Variants in PPP1R21 observed in about 807,000 individuals in gnomAD.
PPP1R21 encodes the protein protein phosphatase 1 regulatory subunit 21.
PPP1R21 carries 85 observed loss-of-function variants against 112.8 expected under a neutral mutation model. That is an observed-to-expected ratio of 0.75 (90% CI 0.63 to 0.90). PPP1R21 has a LOEUF of 0.90. Among genes scored for constraint, PPP1R21 ranks in the 40% least tolerant of loss-of-function variants. PPP1R21 has a pLI of 0.00. For missense variants in PPP1R21, 1,199 were observed against 901.5 expected, an observed-to-expected ratio of 1.33 and a Z score of -4.23; for synonymous variants, 381 against 322.3, an observed-to-expected ratio of 1.18 and a Z score of -1.95.
intron 12 of PPP1R21, among the ~76,000 whole-genome samples, chr2:48,477,195 C>T (rs1668797729): frequency 6.8e-6 from 1 of 148,078 alleles, no homozygotes; most frequent in South Asian, 2.1e-4. Context: ...ACTCTCAGCT[C>T]GCTGCAAACT....
chr2:48,464,994 A>G lies in PPP1R21; in HGVS notation c.747+5A>G. 6.4e-7 allele frequency: 1 copy of G among 1,555,968 alleles called. No individual in the cohort carries two copies. Among genetic ancestry groups the G allele is most frequent in the Non-Finnish European group, 8.6e-7 (1 of 1,160,936 alleles). ...CTCCACAATAGGAGACACCAGGTAA[A>G]GGATGAAGTACATGTTTTTATTTTC... On this transcript the variant is annotated splice_donor_5th_base_variant and intron_variant, in intron 8 of 21. Coordinates refer to ENST00000294952, the MANE Select transcript of PPP1R21 (RefSeq NM_001135629.3).
chr2:48,495,716 C>T lies in PPP1R21; in HGVS notation c.1637C>T (p.Ala546Val). 6.2e-7 allele frequency: 1 copy of T among 1,612,364 alleles called. No homozygotes were observed. Among genetic ancestry groups the T allele is most frequent in the East Asian group, 2.2e-5 (1 of 44,866 alleles). The change falls in exon 16 of 22, where the codon GCA (alanine) becomes GTA (valine). Residue 546 changes from alanine to valine, a missense_variant. Coordinates refer to ENST00000294952, the MANE Select transcript of PPP1R21 (RefSeq NM_001135629.3). ...LESVPYEEAL[A>V]NRRILLSSTE... Reference sequence around the variant, plus strand: ...TCTGTGCCTTATGAAGAAGCACTGGCAAACCGCCGCATCCTTCTCAGCTCT... The same window carrying T: ...TCTGTGCCTTATGAAGAAGCACTGGTAAACCGCCGCATCCTTCTCAGCTCT...
intron 12 of PPP1R21, among the ~76,000 whole-genome samples, chr2:48,478,699 G>C (rs1052884982): frequency 6.6e-5 from 10 of 152,184 alleles, no homozygotes; most frequent in Non-Finnish European, 1.5e-4. Flanking sequence ...CCCCAGGAGG[G>C]CTCTTCTTAG....
chr2:48,452,392 A>G (rs1409397336), intron 2 of PPP1R21, among the ~76,000 whole-genome samples: 1 of 152,214 alleles, frequency 6.6e-6, no homozygotes, highest in Non-Finnish European at 1.5e-5. Flanking sequence ...GTCAGATAAC[A>G]TTATCATCCC....
rs369292857 is a variant in PPP1R21 at position 48,463,704 on chromosome 2, TGAG to T, written c.695-1229_695-1227del. On this transcript the variant is annotated intron_variant, in intron 7 of 21. Coordinates refer to ENST00000294952, the MANE Select transcript of PPP1R21 (RefSeq NM_001135629.3). ...GCTGCAGCAAATGCTTTATTTGTAA[TGAG>T]GAGATACTGAAGATAGAAGCAGGGA... 5.8e-4 allele frequency among the ~76,000 whole-genome samples: 88 copies of T among 152,088 alleles called. No homozygotes were observed. The East Asian group carries it at 0.014, about 24-fold the overall frequency.
intron 16 of PPP1R21, among the ~76,000 whole-genome samples, chr2:48,496,287 G>C (rs1446593238): frequency 1.3e-5 from 2 of 152,080 alleles, no homozygotes; most frequent in Non-Finnish European, 2.9e-5. Context: ...TACAGTAAAT[G>C]GAATCTCTCT....
intron 1 of PPP1R21, among the ~76,000 whole-genome samples, chr2:48,445,487 G>A (rs1558410653): frequency 6.6e-6 from 1 of 152,202 alleles, no homozygotes; most frequent in African/African-American, 2.4e-5. Context: ...TGAAGACCTT[G>A]TTAAACTGCT....
intron 1 of PPP1R21, among the ~76,000 whole-genome samples, chr2:48,444,734 C>G (rs1572821867): frequency 6.6e-6 from 1 of 152,290 alleles, no homozygotes; most frequent in East Asian, 1.9e-4. Flanking sequence ...AGCAGTGAGA[C>G]CCAGCAATCT....
At chr2:48,455,109 A>AT (rs1350234272) in intron 3 of PPP1R21, among the ~76,000 whole-genome samples, 1 of 147,308 alleles carries the variant, frequency 6.8e-6, no homozygotes. Flanking sequence ...AAGTGCTATG[A>AT]TTACAGGCAT....
chr2:48,496,598 G>T (rs550037639), intron 16 of PPP1R21, among the ~76,000 whole-genome samples: 6 of 151,996 alleles, frequency 3.9e-5, no homozygotes, highest in African/African-American at 1.4e-4. Context: ...CTCCAGAGTC[G>T]CTGGGATTAC....
intron 1 of PPP1R21, among the ~76,000 whole-genome samples, chr2:48,442,042 C>G (rs1223263866): frequency 1.3e-5 from 2 of 152,208 alleles, no homozygotes; most frequent in Admixed American, 6.5e-5. Flanking sequence ...TTTTGAGACA[C>G]TACACTTATT....
intron 1 of PPP1R21, among the ~76,000 whole-genome samples, chr2:48,448,092 G>A (rs183550312): frequency 6.6e-6 from 1 of 152,290 alleles, no homozygotes; most frequent in East Asian, 1.9e-4. Context: ...ATCAAATGTT[G>A]CAAAGAGTAG....
chr2:48,481,533 G>A (rs1434758414), intron 13 of PPP1R21, among the ~76,000 whole-genome samples: 8 of 152,178 alleles, frequency 5.3e-5, no homozygotes, highest in Non-Finnish European at 2.9e-5. Context: ...GAACCAGTTT[G>A]AAACCACAAG....
At chr2:48,512,434 T>A (rs1670686628) in intron 21 of PPP1R21, among the ~76,000 whole-genome samples, 2 of 147,642 alleles carry the variant, frequency 1.4e-5, no homozygotes, top group South Asian at 4.3e-4. Flanking sequence ...ATTTACCATC[T>A]CCAGCCTGCA....
At chr2:48,458,806 T>C (rs1572839639) in intron 4 of PPP1R21, among the ~76,000 whole-genome samples, 2 of 152,234 alleles carry the variant, frequency 1.3e-5, no homozygotes, top group Middle Eastern at 6.8e-3. Context: ...CTAAGATTCA[T>C]AGTGGGCTGG....
chr2:48,499,131 G>T (rs573000793), intron 17 of PPP1R21, among the ~76,000 whole-genome samples: 3 of 143,880 alleles, frequency 2.1e-5, no homozygotes, highest in South Asian at 2.3e-4. Flanking sequence ...GATATTGGGG[G>T]TGGGGGGGGA....
At chr2:48,502,715 C>T (rs753773048) in intron 17 of PPP1R21, among the ~76,000 whole-genome samples, 1 of 132,652 alleles carries the variant, frequency 7.5e-6, no homozygotes, top group African/African-American at 2.8e-5. Context: ...GAGTCTCGCT[C>T]TGTGGCCCAG....
rs567807021 is a variant in PPP1R21, at chr2:48,454,622, T to C, written c.154T>C (p.Leu52=). The part of the protein sequence containing the change: ...KEQLKMKDQS[L]RKLQQEMDSL... ...GCAACTGAAAATGAAGGATCAGTCA[T>C]TGAGAAAACTACAACAGGAAATGGA... The change falls in exon 3 of 22, where the codon TTG becomes CTG. Residue 52 remains leucine, a synonymous_variant. Transcript: ENST00000294952. 6.7e-5 allele frequency: 108 copies of C among 1,614,120 alleles called. No individual in the cohort carries two copies. Among genetic ancestry groups the C allele is most frequent in the South Asian group, 1.5e-4 (14 of 91,084 alleles).
chr2:48,495,493 C>T lies in PPP1R21; in HGVS notation c.1600-186C>T, dbSNP rs138360241. On this transcript the variant is annotated intron_variant, in intron 15 of 21. Coordinates refer to ENST00000294952, the MANE Select transcript of PPP1R21 (RefSeq NM_001135629.3). ...CTGGGATTATAGGTGTGAGCCACCGCGCCCAGGCTATTATTTTTCTTTTAA... is the reference window on the plus strand; with the variant it reads ...CTGGGATTATAGGTGTGAGCCACCGTGCCCAGGCTATTATTTTTCTTTTAA... Among the ~76,000 whole-genome samples the T allele has an allele frequency of 9.1e-3, 1,381 of 152,304 alleles. 9 individuals carry two copies. The highest frequency in any genetic ancestry group is 0.014 in the Non-Finnish European group (941 of 68,022).
Sources: gnomAD v4.1 joint callset for allele counts (sites outside exome capture counted in the v4.1 genomes callset) on GRCh38, gnomAD v4.1.1 for gene constraint, MANE v1.5 for transcripts, NCBI Gene and HGNC (gene_info 2026-07-23, HGNC 2026-07-21) for gene names.